Variants in USP6NL observed in about 807,000 individuals in gnomAD.
The protein encoded by USP6NL is USP6 N-terminal-like protein.
In USP6NL, 26 loss-of-function variants were observed where a neutral mutation model predicts 61.9. The ratio of observed to expected loss-of-function variants is 0.42; its 90% confidence interval spans 0.31 to 0.58. USP6NL has a LOEUF of 0.58. Ranked by LOEUF, USP6NL falls within the 20% of genes least tolerant of loss-of-function variation. The pLI, the probability that USP6NL is intolerant of heterozygous loss-of-function variation, is 0.16. For synonymous variants in USP6NL, 432 were observed against 390.1 expected (o/e 1.11, Z -1.27); for missense variants, 1,114 against 1,034.3 (o/e 1.08, Z -1.06).
intron 2 of USP6NL, among the ~76,000 whole-genome samples, chr10:11,588,237 A>G (rs141035211): frequency 2.0e-5 from 3 of 152,392 alleles, no homozygotes; most frequent in East Asian, 3.9e-4. Context: ...CAATGTGTGA[A>G]TAACACTCAG....
rs749405505 is a variant in USP6NL, at chr10:11,597,052, C to T, written c.4+579G>A. Among the ~76,000 whole-genome samples, 2 of 151,828 alleles carry T rather than the reference C, an allele frequency of 1.3e-5. No homozygotes were observed. The highest frequency in any genetic ancestry group is 2.9e-5 in the Non-Finnish European group (2 of 67,970). On this transcript the variant is annotated intron_variant, in intron 2 of 14. Coordinates refer to ENST00000609104, the MANE Select transcript of USP6NL (RefSeq NM_014688.5). The surrounding 1 kb of genome is among the most constrained non-coding windows in gnomAD (Gnocchi z 4.6). ...CCACCCTCTAAAAAGAAACAGTTAA[C>T]ACAAAAAAGTAAAATCCAGTTCTCT... is the stretch of plus-strand genomic sequence containing the variant.
rs531027059 is a variant in USP6NL, at chr10:11,562,027, T to A, written c.5-34460A>T. 1.7e-4 allele frequency among the ~76,000 whole-genome samples: 26 copies of A among 152,304 alleles called. No individual in the cohort carries two copies. Among genetic ancestry groups the A allele is most frequent in the Admixed American group, 6.5e-4 (10 of 15,298 alleles). ...AAAAGAAATTTGCTCATGCCTGTAA[T>A]CCCAGCACTTTGTGAGGCCAAGGCA... On this transcript the variant is annotated intron_variant, in intron 2 of 14. Coordinates refer to ENST00000609104, the MANE Select transcript of USP6NL (RefSeq NM_014688.5). The surrounding 1 kb of genome is among the most constrained non-coding windows in gnomAD (Gnocchi z 4.8).
intron 2 of USP6NL, among the ~76,000 whole-genome samples, chr10:11,584,199 G>A (rs1439135055): frequency 6.6e-6 from 1 of 152,228 alleles, no homozygotes; most frequent in Non-Finnish European, 1.5e-5. Flanking sequence ...GGGTGACAGA[G>A]CAAGACCCTG....
Position 11,555,471 on chromosome 10 carries a change from A to AGAGAGAG in USP6NL, c.5-27905_5-27904insCTCTCTC, listed in dbSNP as rs1566178235. ...ATATATAGAGAGAGAGAGAGAGAGA[A>AGAGAGAG]AGAGAGAGAGAGAGAGAGAGAGAAG... On this transcript the variant is annotated intron_variant, in intron 2 of 14. Coordinates refer to ENST00000609104, the MANE Select transcript of USP6NL (RefSeq NM_014688.5). 4.8e-4 allele frequency among the ~76,000 whole-genome samples: 30 copies of AGAGAGAG among 62,180 alleles called. 2 individuals carry two copies. In the East Asian group the frequency reaches 0.015, roughly 31 times the overall value. 40.8% of individuals were successfully genotyped at this position (62,180 alleles called of 152,430 possible).
Position 11,611,480 on chromosome 10 carries a change from A to G in USP6NL, c.-121T>C. On this transcript the variant is annotated 5_prime_UTR_variant, in exon 1 of 15. Transcript: ENST00000609104. This position sits in a 1 kb window ranked among gnomAD's most constrained non-coding sequence, Gnocchi z 5.3. The stretch of plus-strand genomic sequence containing the variant: ...CCGACTGCTAGGCTGTGGGCAGCGG[A>G]CAGAGCTGGCGGTCCCGGGCGGCCG... The G allele has an allele frequency of 6.4e-6, 1 of 157,434 alleles. No individual in the cohort carries two copies. Among genetic ancestry groups the G allele is most frequent in the Non-Finnish European group, 1.4e-5 (1 of 71,472 alleles). The allele number at this position is 157,434 out of a possible 1,614,324, so 9.8% of individuals were successfully genotyped here.
Position 11,596,535 on chromosome 10 carries a change from A to G in USP6NL, c.4+1096T>C, listed in dbSNP as rs1385993978. Among the ~76,000 whole-genome samples, 1 of 151,964 alleles carries G rather than the reference A, an allele frequency of 6.6e-6. No homozygotes were observed. Among genetic ancestry groups the G allele is most frequent in the Non-Finnish European group, 1.5e-5 (1 of 67,976 alleles). Reference sequence around the variant, plus strand: ...GCTACTCGGGAGGCTGAGGCAGGAGAATGGCGCGAACCCAGGAGGTGGAGC... The same window carrying G: ...GCTACTCGGGAGGCTGAGGCAGGAGGATGGCGCGAACCCAGGAGGTGGAGC... On this transcript the variant is annotated intron_variant, in intron 2 of 14. Transcript: ENST00000609104. The surrounding 1 kb of genome is among the most constrained non-coding windows in gnomAD (Gnocchi z 4.1).
chr10:11,595,653 AAAAG>A lies in USP6NL; in HGVS notation c.4+1974_4+1977del, dbSNP rs143043327. 0.017 allele frequency among the ~76,000 whole-genome samples: 2,602 copies of A among 152,262 alleles called. 78 individuals are homozygous for A. Among genetic ancestry groups the A allele is most frequent in the African/African-American group, 0.058 (2,429 of 41,546 alleles). ...CAGCATGAAAAAAACAAAAATCACA[AAAAG>A]AAAGAGAGAGACATAAGAGCAAAAA... is the stretch of plus-strand genomic sequence containing the variant. On this transcript the variant is annotated intron_variant, in intron 2 of 14. Coordinates refer to ENST00000609104, the MANE Select transcript of USP6NL (RefSeq NM_014688.5). This position sits in a 1 kb window ranked among gnomAD's most constrained non-coding sequence, Gnocchi z 5.3.
At chr10:11,514,796 T>A (rs931879149) in intron 5 of USP6NL, among the ~76,000 whole-genome samples, 33 of 152,340 alleles carry the variant, frequency 2.2e-4, no homozygotes, top group Middle Eastern at 3.4e-3. Context: ...TAGAAGACTC[T>A]GACATAAGAA....
In USP6NL at chr10:11,532,489, G is replaced by A. The variant is rs534693096; in HGVS notation, c.5-4922C>T. On this transcript the variant is annotated intron_variant, in intron 2 of 14. Transcript: ENST00000609104. The surrounding 1 kb of genome is among the most constrained non-coding windows in gnomAD (Gnocchi z 4.1). ...TTTTCAAACAAAGCTGATCATTGTTGAGGGTGAAAACACGGCTTTCAGGCT... is the reference window on the plus strand; with the variant it reads ...TTTTCAAACAAAGCTGATCATTGTTAAGGGTGAAAACACGGCTTTCAGGCT... Among the ~76,000 whole-genome samples, 8 of 152,312 alleles carry A rather than the reference G, an allele frequency of 5.3e-5. No individual in the cohort carries two copies. Among genetic ancestry groups the A allele is most frequent in the South Asian group, 4.1e-4 (2 of 4,830 alleles).
chr10:11,466,589 A>G (rs1832463551), intron 14 of USP6NL, among the ~76,000 whole-genome samples: 1 of 152,256 alleles, frequency 6.6e-6, no homozygotes, highest in Non-Finnish European at 1.5e-5. Flanking sequence ...ATTTCCCGAC[A>G]TATAGAAGAT....
chr10:11,604,853 T>A (rs538208845), intron 1 of USP6NL, among the ~76,000 whole-genome samples: 8 of 152,294 alleles, frequency 5.3e-5, no homozygotes, highest in African/African-American at 1.9e-4. Context: ...AAAATAATTA[T>A]AATAATATGC....
chr10:11,573,862 T>G, intron 2 of USP6NL: 1 of 388,444 alleles, frequency 2.6e-6, no homozygotes, highest in Non-Finnish European at 4.5e-6. Context: ...AACGAAAGGA[T>G]AGGCTGTATC....
intron 2 of USP6NL, among the ~76,000 whole-genome samples, chr10:11,565,973 G>A (rs901636211): frequency 6.6e-6 from 1 of 152,182 alleles, no homozygotes; most frequent in Non-Finnish European, 1.5e-5. Context: ...CATATGCACA[G>A]ATAATAGTGC....
At chr10:11,483,774 C>A (rs1833343168) in intron 13 of USP6NL, among the ~76,000 whole-genome samples, 1 of 151,740 alleles carries the variant, frequency 6.6e-6, no homozygotes, top group Non-Finnish European at 1.5e-5. Flanking sequence ...AGACTTGAAT[C>A]CTGGAAGACA....
chr10:11,525,611 A>G lies in USP6NL; in HGVS notation c.73-143T>C. Reference sequence around the variant, plus strand: ...GAAGTGAGGCATTATGAGCCTTAACATTTTTTTTTCCCCTTTAAACCCAAC... The same window carrying G: ...GAAGTGAGGCATTATGAGCCTTAACGTTTTTTTTTCCCCTTTAAACCCAAC... On this transcript the variant is annotated intron_variant, in intron 3 of 14. Transcript: ENST00000609104. The surrounding 1 kb of genome is among the most constrained non-coding windows in gnomAD (Gnocchi z 5.0). The G allele has an allele frequency of 2.8e-6, 2 of 702,684 alleles. No individual in the cohort carries two copies. The highest frequency in any genetic ancestry group is 2.7e-5 in the South Asian group (1 of 36,870). The allele number at this position is 702,684 out of a possible 1,614,324, so 43.5% of individuals were successfully genotyped here.
intron 2 of USP6NL, among the ~76,000 whole-genome samples, chr10:11,530,289 G>A (rs1835602258): frequency 6.6e-6 from 1 of 152,048 alleles, no homozygotes; most frequent in Admixed American, 6.6e-5. Context: ...CCAGTCCTAG[G>A]CATCACAAGT....
At chr10:11,531,986 T>G (rs1032634555) in intron 2 of USP6NL, among the ~76,000 whole-genome samples, 3 of 152,190 alleles carry the variant, frequency 2.0e-5, no homozygotes, top group African/African-American at 7.2e-5. Context: ...CCTCCTGAAT[T>G]ATATGCTTTA....
chr10:11,473,770 C>G (rs1591820131), intron 14 of USP6NL, among the ~76,000 whole-genome samples: 1 of 152,136 alleles, frequency 6.6e-6, no homozygotes, highest in African/African-American at 2.4e-5. Context: ...CCCATGAAAA[C>G]TATTCAAAAT....
chr10:11,584,121 G>A (rs1045525002), intron 2 of USP6NL, among the ~76,000 whole-genome samples: 2 of 152,124 alleles, frequency 1.3e-5, no homozygotes, highest in African/African-American at 2.4e-5. Context: ...AGGCTGAGGT[G>A]GGAGAATCAT....
Sources: gnomAD v4.1 joint callset for allele counts (sites outside exome capture counted in the v4.1 genomes callset) on GRCh38, gnomAD v4.1.1 for gene constraint, Gnocchi (gnomAD v3.1) non-coding constraint, MANE v1.5 for transcripts, NCBI Gene and HGNC (gene_info 2026-07-23, HGNC 2026-07-21) for gene names.